SETD7: variants seen among roughly 807,000 people sequenced by gnomAD.
SETD7 encodes the protein histone-lysine N-methyltransferase SETD7.
Under a neutral mutation model 41.8 loss-of-function variants are expected in SETD7, and 16 were observed. The observed-to-expected ratio is 0.38, with a 90% CI of 0.26 to 0.58. The LOEUF (loss-of-function observed/expected upper bound fraction) is 0.58. SETD7 is among the 20% of genes least tolerant of loss of function. The probability of loss-of-function intolerance (pLI) is 0.64; values close to 1 mark genes in which losing one functional copy is unlikely to be tolerated. For synonymous variants in SETD7, 163 were observed against 169.7 expected, an observed-to-expected ratio of 0.96 and a Z score of 0.31; for missense variants, 346 against 459.7, an observed-to-expected ratio of 0.75 and a Z score of 2.26.
Position 139,510,113 on chromosome 4 carries a change from T to C in SETD7, c.*1550A>G, listed in dbSNP as rs1726828571. On this transcript the variant is annotated 3_prime_UTR_variant, in exon 8 of 8. Transcript: ENST00000274031. ...GAAATAGCAAACTTCCTTCTGCCTA[T>C]GTCCTCACTCTTCTTCCACTGAAGC... The C allele has an allele frequency of 6.5e-6, 1 of 152,754 alleles. No homozygotes were observed. Among genetic ancestry groups the C allele is most frequent in the Admixed American group, 6.5e-5 (1 of 15,280 alleles). The allele number at this position is 152,754 out of a possible 1,614,324, so 9.5% of individuals were successfully genotyped here.
At chr4:139,503,051 T>C (rs1466730658), downstream of SETD7, among the ~76,000 whole-genome samples, 1 of 151,462 alleles carries the variant, frequency 6.6e-6, no homozygotes, top group Non-Finnish European at 1.5e-5. Context: ...GGCAGCATGC[T>C]CCTGTAGTCC....
downstream of SETD7, among the ~76,000 whole-genome samples, chr4:139,494,127 G>A (rs1221112974): frequency 5.3e-5 from 8 of 152,190 alleles, no homozygotes; most frequent in African/African-American, 1.7e-4. Context: ...TCTGCCACTA[G>A]GGTCATCTGC....
intron 2 of SETD7, among the ~76,000 whole-genome samples, chr4:139,539,503 G>C (rs151259839): frequency 4.8e-4 from 73 of 152,270 alleles, no homozygotes; most frequent in African/African-American, 1.7e-3. Context: ...ATAACATACT[G>C]TCTATCTTTG....
At chr4:139,523,711 G>GA in intron 4 of SETD7, among the ~76,000 whole-genome samples, 1 of 152,156 alleles carries the variant, frequency 6.6e-6, no homozygotes. Flanking sequence ...GGATGCTTGG[G>GA]AATCAATAAA....
At position 139,555,885 on chromosome 4, in the gene SETD7, G is replaced by A. The variant is rs1728253376; in HGVS notation, c.40+213C>T. On this transcript the variant is annotated intron_variant, in intron 1 of 7. Transcript: ENST00000274031. This position sits in a 1 kb window ranked among gnomAD's most constrained non-coding sequence, Gnocchi z 4.0. ...TTTCCAGCGCCCCCGGCCTGGCGGA[G>A]CCCCATTCTCGGCCTGCGCCCCGCC... 6.6e-6 allele frequency among the ~76,000 whole-genome samples: 1 copy of A among 151,996 alleles called. No homozygotes were observed. The highest frequency in any genetic ancestry group is 2.4e-5 in the African/African-American group (1 of 41,424).
chr4:139,505,650 T>TTC (rs994552824), downstream of SETD7, among the ~76,000 whole-genome samples: 2 of 151,754 alleles, frequency 1.3e-5, no homozygotes, highest in Admixed American at 6.6e-5. Flanking sequence ...ATTGCCAGGG[T>TTC]TCTCAGCTCA....
chr4:139,504,766 T>C (rs1225197379), downstream of SETD7, among the ~76,000 whole-genome samples: 1 of 152,214 alleles, frequency 6.6e-6, no homozygotes, highest in Non-Finnish European at 1.5e-5. Context: ...AACATAATTT[T>C]GTCTTAATTT....
chr4:139,546,935 A>G lies in SETD7; in HGVS notation c.155T>C (p.Phe52Ser), dbSNP rs1464207089. The G allele has an allele frequency of 5.6e-6, 9 of 1,614,214 alleles. No homozygotes were observed. Among genetic ancestry groups the G allele is most frequent in the Non-Finnish European group, 6.8e-6 (8 of 1,180,040 alleles). Reference sequence around the variant, plus strand: ...TGAGTGCTACCTGCCATCAAAGAAGAAGAACTTCCCCCGTCCGTTCTTTTC... The same window carrying G: ...TGAGTGCTACCTGCCATCAAAGAAGGAGAACTTCCCCCGTCCGTTCTTTTC... ...HGEKNGRGKF[F>S]FFDGSTLEGY... is the part of the protein sequence containing the mutation. Residue 52 changes from phenylalanine (F) to serine (S), a missense_variant, in exon 2 of 8, where the codon TTC becomes TCC. Phe to Ser is a radical substitution (Grantham distance 155, BLOSUM62 -2). Coordinates refer to ENST00000274031, the MANE Select transcript of SETD7 (RefSeq NM_030648.4).
intron 2 of SETD7, 135 bp from the exon 3 acceptor site, chr4:139,533,501 T>C (rs1727549708): frequency 7.1e-6 from 5 of 705,148 alleles, no homozygotes; most frequent in Non-Finnish European, 7.1e-6. Flanking sequence ...TCCTAAATTA[T>C]CATCGACTGC....
Position 139,508,877 on chromosome 4 carries a change from C to T in SETD7, c.*2786G>A, listed in dbSNP as rs1251998575. 6.6e-6 allele frequency: 1 copy of T among 152,230 alleles called. No homozygotes were observed. Among genetic ancestry groups the T allele is most frequent in the Non-Finnish European group, 1.5e-5 (1 of 68,080 alleles). 9.4% of individuals were successfully genotyped at this position (152,230 alleles called of 1,614,324 possible). ...GTTAATTCCTTATAGAACCTCCACT[C>T]CCTTGACTTCTTTCCCTACCTACAG... On this transcript the variant is annotated 3_prime_UTR_variant, in exon 8 of 8. Coordinates refer to ENST00000274031, the MANE Select transcript of SETD7 (RefSeq NM_030648.4).
chr4:139,497,141 C>T (rs563467064), intron 7 of SETD7, among the ~76,000 whole-genome samples: 3 of 152,158 alleles, frequency 2.0e-5, no homozygotes, highest in African/African-American at 7.2e-5. Context: ...TGCTATTAGC[C>T]CTCTTGAAAT....
At chr4:139,517,854 A>C (rs1273506110) in intron 7 of SETD7, 31 bp downstream of exon 7, 1 of 1,596,850 alleles carries the variant, frequency 6.3e-7, no homozygotes, top group South Asian at 1.1e-5. Flanking sequence ...TGAGGCATAG[A>C]TCCGCCCCAG....
Position 139,511,659 on chromosome 4 carries a change from C to G in SETD7, c.*4G>C. 6.2e-7 allele frequency: 1 copy of G among 1,613,712 alleles called. No individual in the cohort carries two copies. Among genetic ancestry groups the G allele is most frequent in the East Asian group, 2.2e-5 (1 of 44,890 alleles). ...CAGGTCTCTGAACCCCAAAGCCAGG[C>G]CTTTCACTTTTGCTGGGTGGCCTGG... On this transcript the variant is annotated 3_prime_UTR_variant, in exon 8 of 8. Coordinates refer to ENST00000274031, the MANE Select transcript of SETD7 (RefSeq NM_030648.4).
chr4:139,524,905 C>T (rs917796996), intron 4 of SETD7, among the ~76,000 whole-genome samples: 1 of 152,134 alleles, frequency 6.6e-6, no homozygotes, highest in African/African-American at 2.4e-5. Flanking sequence ...CAACCTCTGC[C>T]TCCCGGGTTC....
chr4:139,517,563 A>G (rs2111130320), intron 7 of SETD7, among the ~76,000 whole-genome samples: 1 of 152,298 alleles, frequency 6.6e-6, no homozygotes, highest in South Asian at 2.1e-4. Flanking sequence ...ATTTCAAATA[A>G]CACTATCTTT....
chr4:139,533,429 G>C, intron 2 of SETD7, 63 bp from the exon 3 acceptor site: 1 of 1,422,850 alleles, frequency 7.0e-7, no homozygotes, highest in Non-Finnish European at 9.7e-7. Flanking sequence ...TTAGAAGAAA[G>C]GATCATATCC....
chr4:139,526,075 C>T (rs1727322926), intron 4 of SETD7, among the ~76,000 whole-genome samples: 1 of 150,966 alleles, frequency 6.6e-6, no homozygotes, highest in African/African-American at 2.5e-5. Context: ...TGTTTTGAGA[C>T]AGAGTCTCTG....
chr4:139,496,874 A>G (rs1019422682), intron 7 of SETD7, among the ~76,000 whole-genome samples: 1 of 146,488 alleles, frequency 6.8e-6, no homozygotes, highest in African/African-American at 2.6e-5. Flanking sequence ...GTGTTCCTGT[A>G]CACACACACA....
intron 7 of SETD7, among the ~76,000 whole-genome samples, chr4:139,499,503 T>G (rs534136032): frequency 5.8e-4 from 88 of 152,278 alleles, no homozygotes; most frequent in African/African-American, 2.0e-3. Context: ...TTTGAGATAT[T>G]TTTCAGATTT....
Sources: allele counts gnomAD v4.1 joint callset (sites outside exome capture counted in the v4.1 genomes callset), GRCh38; gene constraint gnomAD v4.1.1; non-coding constraint Gnocchi (gnomAD v3.1); transcripts MANE v1.5; gene names NCBI Gene and HGNC (gene_info 2026-07-23, HGNC 2026-07-21).